Variants in SLC30A8 observed in about 807,000 individuals in gnomAD.
SLC30A8 encodes proton-coupled zinc antiporter SLC30A8.
A neutral mutation model predicts 36.9 loss-of-function variants in SLC30A8; 27 were observed. The observed-to-expected ratio is 0.73, with a 90% confidence interval of 0.54 to 1.01. SLC30A8 has a LOEUF of 1.01. Among genes scored for constraint, SLC30A8 ranks in the 50% least tolerant of loss-of-function variants. SLC30A8 has a pLI of 0.00. For missense variants in SLC30A8, 439 were observed against 452.0 expected (o/e 0.97, Z 0.26); for synonymous variants, 164 against 172.4 (o/e 0.95, Z 0.38).
chr8:116,985,690 A>G (rs1437343571), intron 1 of SLC30A8, among the ~76,000 whole-genome samples: 2 of 152,138 alleles, frequency 1.3e-5, no homozygotes, highest in Non-Finnish European at 2.9e-5. Flanking sequence ...ACTTCTACCA[A>G]CAATGCATGA....
chr8:117,071,761 C>G (rs1302175016), intron 2 of SLC30A8, among the ~76,000 whole-genome samples: 1 of 151,910 alleles, frequency 6.6e-6, no homozygotes, highest in Non-Finnish European at 1.5e-5. Context: ...TTATTTATTC[C>G]TCAAATACTC....
At chr8:117,153,210 C>T (rs1822284717) in intron 3 of SLC30A8, 120 bp downstream of exon 3, 2 of 1,010,436 alleles carry the variant, frequency 2.0e-6, no homozygotes, top group South Asian at 2.4e-5. Context: ...ATTTCTGATG[C>T]ACAGGATAAA....
At chr8:117,128,704 T>G (rs952730911) in intron 2 of SLC30A8, 2 of 152,076 alleles carry the variant, frequency 1.3e-5, no homozygotes, top group African/African-American at 4.8e-5. Context: ...TTTATTTATT[T>G]TAGCAAGAAA....
At chr8:117,141,506 G>A (rs998478794) in intron 1 of SLC30A8, among the ~76,000 whole-genome samples, 2 of 152,050 alleles carry the variant, frequency 1.3e-5, no homozygotes, top group African/African-American at 2.4e-5. Context: ...GAAATAGAAC[G>A]AAACTTCTTC....
intron 1 of SLC30A8, among the ~76,000 whole-genome samples, chr8:116,977,437 G>A (rs1377243016): frequency 6.6e-6 from 1 of 151,244 alleles, no homozygotes. Context: ...ACAGGCGTGA[G>A]CCACCGTGCC....
chr8:116,970,054 G>T lies in SLC30A8; in HGVS notation c.-266+18935G>T, dbSNP rs180963949. Among the ~76,000 whole-genome samples, 192 of 151,562 alleles carry T rather than the reference G, an allele frequency of 1.3e-3. 1 individual carries two copies. Among genetic ancestry groups the T allele is most frequent in the Non-Finnish European group, 2.3e-3 (156 of 67,832 alleles). On this transcript the variant is annotated intron_variant, in intron 1 of 10. Coordinates refer to the SLC30A8 transcript ENST00000427715. The stretch of plus-strand genomic sequence containing the variant: ...TATACTTTTAGTCTTTTGTAATAAT[G>T]CTTCACTTAAAACACACATTACTCC...
At chr8:116,969,022 A>G (rs1420198416) in intron 1 of SLC30A8, among the ~76,000 whole-genome samples, 3 of 152,096 alleles carry the variant, frequency 2.0e-5, no homozygotes, top group Non-Finnish European at 4.4e-5. Context: ...GCATGAGCCA[A>G]TGTGCCCAGC....
rs1162379603 is a variant in SLC30A8 at position 117,173,118 on chromosome 8, A to C, written c.*437A>C. On this transcript the variant is annotated 3_prime_UTR_variant, in exon 8 of 8. Transcript: ENST00000456015. ...AACAAAAAATAAGGAGAGCCAAGTC[A>C]GGAATAAAAGTGACTCTGTATGCTA... 1 of 165,276 alleles carries C rather than the reference A, an allele frequency of 6.1e-6. No individual in the cohort carries two copies. The highest frequency in any genetic ancestry group is 1.3e-5 in the Non-Finnish European group (1 of 76,442). 10.2% of individuals were successfully genotyped at this position (165,276 alleles called of 1,614,324 possible).
At chr8:117,113,344 C>A (rs1563605396) in intron 2 of SLC30A8, among the ~76,000 whole-genome samples, 1 of 152,084 alleles carries the variant, frequency 6.6e-6, no homozygotes, top group Non-Finnish European at 1.5e-5. Context: ...GGAATGGAAG[C>A]AAGTCATTTT....
chr8:116,994,313 C>T (rs534080067), intron 1 of SLC30A8, among the ~76,000 whole-genome samples: 1 of 152,010 alleles, frequency 6.6e-6, no homozygotes, highest in Admixed American at 6.6e-5. Context: ...GATCTAGACT[C>T]AACAGAAGAG....
chr8:117,108,687 C>G (rs945714171), intron 2 of SLC30A8, among the ~76,000 whole-genome samples: 2 of 152,162 alleles, frequency 1.3e-5, no homozygotes, highest in African/African-American at 4.8e-5. Context: ...TTGCTGGGAA[C>G]CCTTGGAGTT....
chr8:117,062,714 G>C (rs1384337882), intron 2 of SLC30A8, among the ~76,000 whole-genome samples: 3 of 152,228 alleles, frequency 2.0e-5, no homozygotes, highest in Non-Finnish European at 2.9e-5. Flanking sequence ...GGAAACTATA[G>C]AGGGAGGTGA....
chr8:116,968,447 G>A (rs916111131), intron 1 of SLC30A8, among the ~76,000 whole-genome samples: 2 of 151,408 alleles, frequency 1.3e-5, no homozygotes, highest in African/African-American at 2.4e-5. Flanking sequence ...AGATGGAGCA[G>A]CATCTATGTG....
intron 1 of SLC30A8, among the ~76,000 whole-genome samples, chr8:117,036,116 C>CT (rs922068824): frequency 6.6e-6 from 1 of 152,164 alleles, no homozygotes; most frequent in Non-Finnish European, 1.5e-5. Context: ...AATTCCCCCC[C>CT]CCAGAAAATG....
chr8:116,952,449 A>G (rs531575303), intron 1 of SLC30A8, among the ~76,000 whole-genome samples: 14 of 148,878 alleles, frequency 9.4e-5, no homozygotes, highest in South Asian at 2.1e-4. Context: ...ACTACTTCCA[A>G]TTTTTTTTTT....
At chr8:117,041,970 G>T (rs2130758193) in intron 2 of SLC30A8, among the ~76,000 whole-genome samples, 1 of 152,296 alleles carries the variant, frequency 6.6e-6, no homozygotes, top group South Asian at 2.1e-4. Context: ...GAATAAATGA[G>T]ATTAGAGGGA....
At chr8:116,995,800 G>A (rs116597467) in intron 1 of SLC30A8, among the ~76,000 whole-genome samples, 1,621 of 152,192 alleles carry the variant, frequency 0.011, 37 homozygotes, top group African/African-American at 0.036. Flanking sequence ...TAAGCTGTAA[G>A]TCTGGCTTTC....
At chr8:116,980,326 C>G (rs1246790331) in intron 1 of SLC30A8, among the ~76,000 whole-genome samples, 5 of 152,062 alleles carry the variant, frequency 3.3e-5, no homozygotes, top group African/African-American at 4.8e-5. Flanking sequence ...TCCAGGTGAT[C>G]TGTAGGGAGA....
At chr8:116,951,586 T>A (rs551971458) in intron 1 of SLC30A8, among the ~76,000 whole-genome samples, 1 of 152,120 alleles carries the variant, frequency 6.6e-6, no homozygotes, top group Admixed American at 6.5e-5. Context: ...TATTGAATTA[T>A]CTGTTCCCCA....
Sources: allele counts gnomAD v4.1 joint callset (sites outside exome capture counted in the v4.1 genomes callset), GRCh38; gene constraint gnomAD v4.1.1; transcripts MANE v1.5; gene names NCBI Gene and HGNC (gene_info 2026-07-23, HGNC 2026-07-21).